The following NCK2 variants were observed in gnomAD, a reference collection of about 807,000 sequenced individuals.
NCK2 encodes the protein cytoplasmic protein NCK2.
Under a neutral mutation model 33.9 loss-of-function variants are expected in NCK2, and 16 were observed. The observed-to-expected ratio is 0.47, with a 90% confidence interval of 0.32 to 0.72. The LOEUF is 0.72. Among genes scored for constraint, NCK2 ranks in the 30% least tolerant of loss-of-function variants. The pLI, the probability that NCK2 is intolerant of heterozygous loss-of-function variation, is 0.03. For missense variants in NCK2, 418 were observed against 537.3 expected (o/e 0.78, Z 2.19); for synonymous variants, 273 against 239.9 (o/e 1.14, Z -1.27).
At chr2:105,757,287 C>T (rs948505881) in intron 1 of NCK2, among the ~76,000 whole-genome samples, 4 of 152,182 alleles carry the variant, frequency 2.6e-5, no homozygotes, top group African/African-American at 7.2e-5. Context: ...CTGTAATGTA[C>T]TTTCACAACC....
rs370439183 is a variant in NCK2 at position 105,894,097 on chromosome 2, CAG to C, written c.*923_*924del. 1.3e-5 allele frequency: 2 copies of C among 152,628 alleles called. No homozygotes were observed. The highest frequency in any genetic ancestry group is 2.4e-5 in the African/African-American group (1 of 41,546). The allele number at this position is 152,628 out of a possible 1,614,324, so 9.5% of individuals were successfully genotyped here. A position where few individuals can be genotyped will look rare whatever the true frequency, so the allele number is the denominator to read the frequency against. On this transcript the variant is annotated 3_prime_UTR_variant, in exon 5 of 5. Transcript: ENST00000233154. ...TATGTGATTGGTAGTAAGAGACACA[CAG>C]AATGTTTATGAAGAAATTGCATTTT...
chr2:105,857,421 C>T (rs770852493), intron 3 of NCK2, among the ~76,000 whole-genome samples: 1 of 152,262 alleles, frequency 6.6e-6, no homozygotes, highest in African/African-American at 2.4e-5. Context: ...TTGGCGAAAA[C>T]AGATTGTTAG....
At chr2:105,825,632 C>T (rs1675908293) in intron 2 of NCK2, among the ~76,000 whole-genome samples, 1 of 152,208 alleles carries the variant, frequency 6.6e-6, no homozygotes, top group African/African-American at 2.4e-5. Context: ...TCCATGTTAT[C>T]ACATAGCAGA....
At chr2:105,889,828 C>T (rs954205292) in intron 4 of NCK2, among the ~76,000 whole-genome samples, 20 of 152,090 alleles carry the variant, frequency 1.3e-4, no homozygotes, top group Non-Finnish European at 1.5e-5. Flanking sequence ...TCAAGTAATC[C>T]TGCCACCATG....
chr2:105,797,668 A>C (rs1401822976), intron 1 of NCK2, among the ~76,000 whole-genome samples: 1 of 152,192 alleles, frequency 6.6e-6, no homozygotes, highest in Non-Finnish European at 1.5e-5. Context: ...CTGGATTTGC[A>C]GCGACTGTGT....
intron 1 of NCK2, among the ~76,000 whole-genome samples, chr2:105,794,608 G>A (rs1401875564): frequency 6.6e-6 from 1 of 151,976 alleles, no homozygotes; most frequent in African/African-American, 2.4e-5. Flanking sequence ...ATTCCTCTCT[G>A]TACTTAAGCC....
At chr2:105,857,776 C>T (rs1677340743) in intron 3 of NCK2, among the ~76,000 whole-genome samples, 1 of 152,200 alleles carries the variant, frequency 6.6e-6, no homozygotes, top group Non-Finnish European at 1.5e-5. Flanking sequence ...ATCTCTTTAT[C>T]ATGCTCACCT....
At chr2:105,808,342 A>G (rs1210936632) in intron 1 of NCK2, among the ~76,000 whole-genome samples, 1 of 152,244 alleles carries the variant, frequency 6.6e-6, no homozygotes, top group Non-Finnish European at 1.5e-5. Context: ...AGTCTTCAAA[A>G]GGGCCATGGA....
At position 105,894,175 on chromosome 2, in the gene NCK2, GA is replaced by G. The variant is rs1327900259; in HGVS notation, c.*1000del. The G allele has an allele frequency of 2.0e-5, 3 of 152,510 alleles. No individual in the cohort carries two copies. Among genetic ancestry groups the G allele is most frequent in the Non-Finnish European group, 2.9e-5 (2 of 68,028 alleles). The allele number at this position is 152,510 out of a possible 1,614,324, so 9.4% of individuals were successfully genotyped here. On this transcript the variant is annotated 3_prime_UTR_variant, in exon 5 of 5. Transcript: ENST00000233154. ...TTATAGTTTAAATATAACGTCTTGAGATGGCACATTCCTACGATTGAAGAAG... is the reference window on the plus strand; with the variant it reads ...TTATAGTTTAAATATAACGTCTTGAGTGGCACATTCCTACGATTGAAGAAG...
At chr2:105,756,242 AC>A (rs1433915223) in intron 1 of NCK2, among the ~76,000 whole-genome samples, 2 of 152,020 alleles carry the variant, frequency 1.3e-5, no homozygotes, top group South Asian at 4.1e-4. Flanking sequence ...GTTGTTTCTT[AC>A]CCCTCTCTTC....
chr2:105,791,102 G>A (rs1690866067), intron 1 of NCK2, among the ~76,000 whole-genome samples: 1 of 152,176 alleles, frequency 6.6e-6, no homozygotes, highest in African/African-American at 2.4e-5. Flanking sequence ...CTGTATGTGG[G>A]AGCCACTTGG....
At chr2:105,801,140 G>A (rs1348526758) in intron 1 of NCK2, among the ~76,000 whole-genome samples, 1 of 152,224 alleles carries the variant, frequency 6.6e-6, no homozygotes, top group Non-Finnish European at 1.5e-5. Flanking sequence ...GGTGTCTGGT[G>A]AGGTTGGACC....
At chr2:105,862,499 A>G (rs1677579413) in intron 3 of NCK2, among the ~76,000 whole-genome samples, 1 of 152,172 alleles carries the variant, frequency 6.6e-6, no homozygotes, top group Non-Finnish European at 1.5e-5. Flanking sequence ...TCTAATCTGA[A>G]TTATTTTTCC....
intron 1 of NCK2, among the ~76,000 whole-genome samples, chr2:105,792,499 C>A (rs1445780112): frequency 6.6e-6 from 1 of 152,144 alleles, no homozygotes; most frequent in African/African-American, 2.4e-5. Context: ...TTCAAATTTT[C>A]CCACCTGTCT....
chr2:105,756,664 T>C (rs1689606659), intron 1 of NCK2, among the ~76,000 whole-genome samples: 1 of 152,212 alleles, frequency 6.6e-6, no homozygotes, highest in African/African-American at 2.4e-5. Flanking sequence ...ATGGCCCAGC[T>C]CCAGAGCAGC....
intron 3 of NCK2, chr2:105,855,538 C>G (rs975179824): frequency 4.1e-5 from 16 of 393,602 alleles, no homozygotes; most frequent in Non-Finnish European, 7.4e-5. Flanking sequence ...GACCCCTGCA[C>G]AGGTATCTCC....
intron 1 of NCK2, among the ~76,000 whole-genome samples, chr2:105,763,389 A>G (rs1057026853): frequency 6.6e-6 from 1 of 152,196 alleles, no homozygotes; most frequent in African/African-American, 2.4e-5. Flanking sequence ...TTTGCTGCCT[A>G]ACAGAACTCT....
At chr2:105,846,451 A>C (rs1676856771) in intron 2 of NCK2, 1 of 142,900 alleles carries the variant, frequency 7.0e-6, no homozygotes, top group African/African-American at 2.6e-5. Flanking sequence ...CTGGCAGTAA[A>C]GATAAATTAA....
chr2:105,755,880 A>G (rs1402039220), intron 1 of NCK2, among the ~76,000 whole-genome samples: 1 of 152,214 alleles, frequency 6.6e-6, no homozygotes, highest in East Asian at 1.9e-4. Context: ...CTGGTCACAT[A>G]TGTTAGCTTT....
Sources: gnomAD v4.1 joint callset for allele counts (sites outside exome capture counted in the v4.1 genomes callset) on GRCh38, gnomAD v4.1.1 for gene constraint, MANE v1.5 for transcripts, NCBI Gene and HGNC (gene_info 2026-07-23, HGNC 2026-07-21) for gene names.